FNTB: variants seen among roughly 807,000 people sequenced by gnomAD.
FNTB encodes protein farnesyltransferase subunit beta.
A neutral mutation model predicts 59.4 loss-of-function variants in FNTB; 27 were observed. The observed-to-expected ratio is 0.45, with a 90% confidence interval of 0.34 to 0.63. The LOEUF is 0.63. Among genes scored for constraint, FNTB ranks in the 20% least tolerant of loss-of-function variants. The probability of loss-of-function intolerance (pLI) is 0.02; values close to 1 mark genes in which losing one functional copy is unlikely to be tolerated. For missense variants in FNTB, 449 were observed against 559.6 expected (o/e 0.80, Z 1.99); for synonymous variants, 230 against 220.7 (o/e 1.04, Z -0.37).
At chr14:65,025,129 A>G (rs975109471) in intron 4 of FNTB, among the ~76,000 whole-genome samples, 1 of 152,154 alleles carries the variant, frequency 6.6e-6, no homozygotes, top group Non-Finnish European at 1.5e-5. Context: ...CCAGTTCTCT[A>G]GCACAGCCCC....
chr14:64,993,964 T>C (rs1260605258), intron 1 of FNTB, among the ~76,000 whole-genome samples: 1 of 152,158 alleles, frequency 6.6e-6, no homozygotes, highest in African/African-American at 2.4e-5. Flanking sequence ...CAAGCGATTC[T>C]CCTGCCTCAG....
chr14:65,003,307 C>G (rs1002766478), intron 1 of FNTB: 1 of 152,062 alleles, frequency 6.6e-6, no homozygotes, highest in Non-Finnish European at 1.5e-5. Flanking sequence ...TTCAGTTTTA[C>G]AATAAGAAGC....
rs36123699 is a variant in FNTB, at chr14:65,024,328, A to ATT, written c.375-3119_375-3118dup. On this transcript the variant is annotated intron_variant, in intron 4 of 11. Coordinates refer to ENST00000246166, the MANE Select transcript of FNTB (RefSeq NM_002028.4). ...AATTAGGTGTGGCTTGGGTGTTGGG[A>ATT]TTTTTTTAAAACACCCCCCAAGTAA... 2.7e-3 allele frequency among the ~76,000 whole-genome samples: 406 copies of ATT among 151,936 alleles called. 2 individuals carry two copies. The highest frequency in any genetic ancestry group is 0.013 in the South Asian group (61 of 4,804).
At chr14:65,024,428 A>C (rs969110072) in intron 4 of FNTB, among the ~76,000 whole-genome samples, 5 of 152,172 alleles carry the variant, frequency 3.3e-5, no homozygotes, top group East Asian at 1.9e-4. Context: ...TTTGGTAAAA[A>C]TACAAAGGCC....
chr14:65,000,283 G>C (rs1410210293), intron 1 of FNTB, among the ~76,000 whole-genome samples: 1 of 152,170 alleles, frequency 6.6e-6, no homozygotes, highest in Non-Finnish European at 1.5e-5. Context: ...TTCTGCATCT[G>C]TGGATTCAGC....
In FNTB at chr14:65,023,084, G is replaced by T. The variant is rs556083749; in HGVS notation, c.375-4369G>T. On this transcript the variant is annotated intron_variant, in intron 4 of 11. Transcript: ENST00000246166. The surrounding 1 kb of genome is among the most constrained non-coding windows in gnomAD (Gnocchi z 4.1). ...ACATTGATTAATTGATTGAGACAGG[G>T]TCTCACTCTATTGTCTGGGCTGGAA... is the stretch of plus-strand genomic sequence containing the variant. Among the ~76,000 whole-genome samples the T allele has an allele frequency of 6.6e-6, 1 of 152,276 alleles. No homozygotes were observed. Among genetic ancestry groups the T allele is most frequent in the East Asian group, 1.9e-4 (1 of 5,184 alleles).
At chr14:65,053,627 A>T (rs1019034546) in intron 10 of FNTB, among the ~76,000 whole-genome samples, 215 of 147,134 alleles carry the variant, frequency 1.5e-3, no homozygotes, top group African/African-American at 3.4e-3. Context: ...TCTTTTTTTT[A>T]AAAAAAACAA....
In FNTB at chr14:65,032,081, G is replaced by C. The variant is rs1376581190; in HGVS notation, c.606-529G>C. Among the ~76,000 whole-genome samples the C allele has an allele frequency of 6.6e-6, 1 of 151,698 alleles. No homozygotes were observed. On this transcript the variant is annotated intron_variant, in intron 6 of 11. Coordinates refer to ENST00000246166, the MANE Select transcript of FNTB (RefSeq NM_002028.4). This position sits in a 1 kb window ranked among gnomAD's most constrained non-coding sequence, Gnocchi z 5.0. ...CTCTAGAGGTTTAAGGACTGTATTG[G>C]AGTGGACTCACCTGTTCCTATCCTT...
chr14:65,015,795 G>C (rs1373694718), intron 4 of FNTB, 79 bp downstream of exon 4: 2 of 1,533,458 alleles, frequency 1.3e-6, no homozygotes, highest in Non-Finnish European at 1.8e-6. Flanking sequence ...TTTCTGTTTT[G>C]TTTGTTTGGA....
intron 4 of FNTB, among the ~76,000 whole-genome samples, chr14:65,021,018 C>T (rs1758108494): frequency 6.6e-6 from 1 of 152,232 alleles, no homozygotes; most frequent in African/African-American, 2.4e-5. Flanking sequence ...ATGTGAGCCA[C>T]CGCACCCGGC....
intron 2 of FNTB, among the ~76,000 whole-genome samples, chr14:65,006,650 C>T (rs979182343): frequency 3.9e-5 from 6 of 152,208 alleles, no homozygotes; most frequent in African/African-American, 1.4e-4. Flanking sequence ...AGTCACTGTC[C>T]ACTGCCTGGG....
intron 11 of FNTB, 134 bp from the exon 12 acceptor site, chr14:65,061,041 ATTTTTG>A: frequency 7.2e-7 from 1 of 1,396,508 alleles, no homozygotes; most frequent in South Asian, 1.4e-5. Context: ...CAAATACACC[ATTTTTG>A]AACCTTTGGG....
At chr14:65,041,488 A>AAC (rs1288111826) in intron 8 of FNTB, among the ~76,000 whole-genome samples, 1 of 152,124 alleles carries the variant, frequency 6.6e-6, no homozygotes, top group Non-Finnish European at 1.5e-5. Flanking sequence ...TGGGTGCACA[A>AAC]ACACACACAC....
rs932908843 is a variant in FNTB at position 65,054,086 on chromosome 14, A to G, written c.1068-489A>G. 9.9e-5 allele frequency among the ~76,000 whole-genome samples: 15 copies of G among 152,172 alleles called. No individual in the cohort carries two copies. The highest frequency in any genetic ancestry group is 3.1e-4 in the African/African-American group (13 of 41,450). ...AAAAATACAGTTCCCACTGCTGGGC[A>G]GGGCTGGAGGATGGGGCTTTTATTT... On this transcript the variant is annotated intron_variant, in intron 10 of 11. Coordinates refer to ENST00000246166, the MANE Select transcript of FNTB (RefSeq NM_002028.4). The surrounding 1 kb of genome is among the most constrained non-coding windows in gnomAD (Gnocchi z 4.4).
intron 1 of FNTB, among the ~76,000 whole-genome samples, chr14:64,996,364 C>T (rs924534106): frequency 6.6e-6 from 1 of 152,140 alleles, no homozygotes; most frequent in Non-Finnish European, 1.5e-5. Context: ...TGTGCCCTGT[C>T]AGGAGCAGGG....
chr14:65,022,439 A>C (rs2139555649), intron 4 of FNTB, among the ~76,000 whole-genome samples: 1 of 152,144 alleles, frequency 6.6e-6, no homozygotes, highest in South Asian at 2.1e-4. Flanking sequence ...CTCAGTTTTT[A>C]CCTACTAGAA....
rs1422091418 is a variant in FNTB, at chr14:64,994,555, C to T, written c.144+7458C>T. On this transcript the variant is annotated intron_variant, in intron 1 of 11. Transcript: ENST00000246166. The surrounding 1 kb of genome is among the most constrained non-coding windows in gnomAD (Gnocchi z 4.2). ...CAGTATGTTACTGTACTAAATACTG[C>T]AGGCAATTGGAACACAATGGTAAAT... Among the ~76,000 whole-genome samples the T allele has an allele frequency of 6.6e-6, 1 of 152,130 alleles. No homozygotes were observed. The highest frequency in any genetic ancestry group is 1.5e-5 in the Non-Finnish European group (1 of 68,024).
chr14:65,055,985 GTTTT>G (rs200188229), intron 11 of FNTB, among the ~76,000 whole-genome samples: 1 of 151,902 alleles, frequency 6.6e-6, no homozygotes, highest in African/African-American at 2.4e-5. Context: ...CCCTCTTCCA[GTTTT>G]TTTTCCTCCC....
intron 7 of FNTB, among the ~76,000 whole-genome samples, chr14:65,039,736 C>T (rs1323577061): frequency 2.0e-5 from 3 of 152,212 alleles, no homozygotes; most frequent in South Asian, 4.1e-4. Flanking sequence ...TTATTTGGCT[C>T]ATGGTTCTGC....
Sources: allele counts gnomAD v4.1 joint callset (sites outside exome capture counted in the v4.1 genomes callset), GRCh38; gene constraint gnomAD v4.1.1; non-coding constraint Gnocchi (gnomAD v3.1); transcripts MANE v1.5; gene names NCBI Gene and HGNC (gene_info 2026-07-23, HGNC 2026-07-21).